TRPM1: variants seen among roughly 807,000 people sequenced by gnomAD.
The protein encoded by TRPM1 is TRPM1-203 APA Isoform, Intron 10.
TRPM1 carries 113 observed loss-of-function variants against 149.4 expected under a neutral mutation model. The observed-to-expected ratio is 0.76, with a 90% CI of 0.65 to 0.88. The LOEUF is 0.88. Ranked by LOEUF, TRPM1 falls within the 40% of genes least tolerant of loss-of-function variation. The pLI, the probability that TRPM1 is intolerant of heterozygous loss-of-function variation, is 0.00. For synonymous variants in TRPM1, 741 were observed against 759.5 expected (o/e 0.98, Z 0.40); for missense variants, 1,976 against 2,038.7 (o/e 0.97, Z 0.59).
At chr15:31,119,283 T>C (rs1479301122) in intron 1 of TRPM1, among the ~76,000 whole-genome samples, 1 of 134,796 alleles carries the variant, frequency 7.4e-6, no homozygotes, top group Non-Finnish European at 1.7e-5. Flanking sequence ...AACTTATCTA[T>C]AGAGGAACAA....
At chr15:31,117,115 C>T (rs1353787963) in intron 1 of TRPM1, among the ~76,000 whole-genome samples, 1 of 152,058 alleles carries the variant, frequency 6.6e-6, no homozygotes, top group South Asian at 2.1e-4. Flanking sequence ...TTTGGGAGGC[C>T]GAGGTGGGTG....
At chr15:31,115,800 A>G (rs1333613560) in intron 1 of TRPM1, among the ~76,000 whole-genome samples, 1 of 151,836 alleles carries the variant, frequency 6.6e-6, no homozygotes, top group Non-Finnish European at 1.5e-5. Context: ...CGGCTAAAAC[A>G]AAAAATGTCA....
Position 31,047,293 on chromosome 15 carries a change from C to T in TRPM1, c.1624-42G>A, listed in dbSNP as rs143595465. 16 of 1,613,394 alleles carry T rather than the reference C, an allele frequency of 9.9e-6. No individual in the cohort carries two copies. In the African/African-American group the frequency reaches 1.6e-4, roughly 16 times the overall value. On this transcript the variant is annotated intron_variant, in intron 14 of 27. Transcript: ENST00000256552. ...GTCTCAGGCCCTGTGAGAATGCGTT[C>T]GCAGTGTGGACTTCATCACACGTCT...
intron 1 of TRPM1, among the ~76,000 whole-genome samples, chr15:31,158,045 C>T (rs1040777344): frequency 6.6e-6 from 1 of 152,130 alleles, no homozygotes; most frequent in Non-Finnish European, 1.5e-5. Flanking sequence ...TGTGATTTCA[C>T]GGCTGTTTCC....
At position 31,026,324 on chromosome 15, in the gene TRPM1, G is replaced by A. The variant is rs544620218; in HGVS notation, c.3497-53C>T. ...GTGAAAAACAAGAAGAATCAGTTTC[G>A]TGGCGTCAATGAGAATTTCACAGCC... On this transcript the variant is annotated intron_variant, in intron 26 of 27. Transcript: ENST00000256552. The A allele has an allele frequency of 1.3e-5, 20 of 1,598,774 alleles. No homozygotes were observed. In the East Asian group the frequency reaches 4.2e-4, roughly 34 times the overall value.
chr15:31,089,748 G>GT (rs1227584410), intron 1 of TRPM1, among the ~76,000 whole-genome samples: 1 of 152,186 alleles, frequency 6.6e-6, no homozygotes, highest in Non-Finnish European at 1.5e-5. Flanking sequence ...CTTTAGACTT[G>GT]TAATAGGTTA....
chr15:31,139,029 T>C (rs918057788), intron 1 of TRPM1, among the ~76,000 whole-genome samples: 7 of 152,266 alleles, frequency 4.6e-5, no homozygotes, highest in Admixed American at 4.6e-4. Flanking sequence ...TAATGGCAAA[T>C]GGCACTTGAG....
intron 22 of TRPM1, among the ~76,000 whole-genome samples, chr15:31,032,456 T>C (rs1368109864): frequency 6.6e-6 from 1 of 152,156 alleles, no homozygotes; most frequent in Non-Finnish European, 1.5e-5. Flanking sequence ...TATATGTATA[T>C]ATGTTATGTA....
intron 27 of TRPM1, among the ~76,000 whole-genome samples, chr15:31,016,376 G>A (rs2032355079): frequency 6.6e-6 from 1 of 152,180 alleles, no homozygotes. Flanking sequence ...TGGTGACACT[G>A]ATTTCTGATC....
intron 1 of TRPM1, among the ~76,000 whole-genome samples, chr15:31,149,805 C>T (rs1302887230): frequency 6.6e-6 from 1 of 152,244 alleles, no homozygotes; most frequent in Non-Finnish European, 1.5e-5. Flanking sequence ...AGGCGTGAGC[C>T]ACGGCGCCAG....
chr15:31,034,132 C>T (rs899350113), intron 21 of TRPM1, among the ~76,000 whole-genome samples: 4 of 152,138 alleles, frequency 2.6e-5, no homozygotes, highest in Non-Finnish European at 5.9e-5. Context: ...TGGATACATG[C>T]TTTCTCTTTA....
intron 1 of TRPM1, among the ~76,000 whole-genome samples, chr15:31,119,317 T>A (rs370425831): frequency 2.9e-4 from 44 of 152,200 alleles, no homozygotes; most frequent in African/African-American, 1.0e-3. Flanking sequence ...ATCAGCATTC[T>A]TGTCAGAAAC....
At chr15:31,027,886 AT>A (rs2032860144) in intron 25 of TRPM1, among the ~76,000 whole-genome samples, 4 of 152,154 alleles carry the variant, frequency 2.6e-5, no homozygotes, top group Admixed American at 2.6e-4. Context: ...CCTTTAAGCC[AT>A]TTTTTTCTTA....
chr15:31,114,384 G>A (rs2035769898), intron 1 of TRPM1, among the ~76,000 whole-genome samples: 1 of 152,156 alleles, frequency 6.6e-6, no homozygotes, highest in African/African-American at 2.4e-5. Flanking sequence ...ATTCCATGGT[G>A]TATATGTACC....
chr15:31,142,670 A>G (rs1338244359), intron 1 of TRPM1, among the ~76,000 whole-genome samples: 1 of 152,126 alleles, frequency 6.6e-6, no homozygotes, highest in Non-Finnish European at 1.5e-5. Flanking sequence ...AAGTCTTTTG[A>G]ACTTTTATTT....
chr15:31,115,805 A>T (rs2035790136), intron 1 of TRPM1, among the ~76,000 whole-genome samples: 1 of 151,900 alleles, frequency 6.6e-6, no homozygotes, highest in African/African-American at 2.4e-5. Context: ...AAAACAAAAA[A>T]TGTCATAAGC....
At chr15:31,155,901 TAAA>T (rs1028393117) in intron 1 of TRPM1, among the ~76,000 whole-genome samples, 1 of 152,008 alleles carries the variant, frequency 6.6e-6, no homozygotes, top group Admixed American at 6.6e-5. Context: ...ACATGACAGA[TAAA>T]GAAGGAAATC....
intron 27 of TRPM1, among the ~76,000 whole-genome samples, chr15:31,023,000 C>A (rs529349084): frequency 6.6e-6 from 1 of 152,152 alleles, no homozygotes; most frequent in Non-Finnish European, 1.5e-5. Context: ...GGGCACAGAG[C>A]GAGACCTTGT....
chr15:31,112,495 A>T (rs1011728474), intron 1 of TRPM1, among the ~76,000 whole-genome samples: 1 of 152,208 alleles, frequency 6.6e-6, no homozygotes, highest in South Asian at 2.1e-4. Context: ...ATTGCTAACA[A>T]TTAGTCCCAA....
Sources: gnomAD v4.1 joint callset for allele counts (sites outside exome capture counted in the v4.1 genomes callset) on GRCh38, gnomAD v4.1.1 for gene constraint, MANE v1.5 for transcripts, NCBI Gene and HGNC (gene_info 2026-07-23, HGNC 2026-07-21) for gene names.